Variants in CMTM8 observed in about 807,000 individuals in gnomAD.
The protein encoded by CMTM8 is CKLF-like MARVEL transmembrane domain-containing protein 8.
Under a neutral mutation model 18.6 loss-of-function variants are expected in CMTM8, and 12 were observed. That is an observed-to-expected ratio of 0.65 (90% CI 0.41 to 1.05). The LOEUF is 1.05. CMTM8 is among the 50% of genes least tolerant of loss of function. The pLI is 0.00. For synonymous variants in CMTM8, 87 were observed against 90.6 expected (o/e 0.96, Z 0.23); for missense variants, 217 against 227.2 (o/e 0.95, Z 0.29).
intron 1 of CMTM8, among the ~76,000 whole-genome samples, chr3:32,287,059 G>C (rs1236174858): frequency 1.3e-5 from 2 of 152,188 alleles, no homozygotes; most frequent in Admixed American, 6.5e-5. Flanking sequence ...GCCTATTTGT[G>C]GCTGCTTTGC....
chr3:32,292,233 C>T (rs1702791737), intron 1 of CMTM8, among the ~76,000 whole-genome samples: 2 of 152,164 alleles, frequency 1.3e-5, no homozygotes, highest in Admixed American at 6.5e-5. Flanking sequence ...GGATTGTCCC[C>T]ACCTTCATCA....
chr3:32,309,888 G>T (rs895042080), intron 1 of CMTM8, among the ~76,000 whole-genome samples: 1 of 152,184 alleles, frequency 6.6e-6, no homozygotes, highest in Non-Finnish European at 1.5e-5. Flanking sequence ...CTGAACTTTC[G>T]ATGGGAATGT....
At chr3:32,307,350 AG>A (rs1057327444) in intron 1 of CMTM8, among the ~76,000 whole-genome samples, 1 of 152,076 alleles carries the variant, frequency 6.6e-6, no homozygotes, top group African/African-American at 2.4e-5. Flanking sequence ...TTAAAAAAAA[AG>A]AGAAGGTAGA....
intron 1 of CMTM8, among the ~76,000 whole-genome samples, chr3:32,334,479 G>A (rs146150933): frequency 0.02 from 3,090 of 151,766 alleles, 43 homozygotes; most frequent in Non-Finnish European, 0.033. Flanking sequence ...GGTGGTGGGC[G>A]CCTGTAGTCC....
intron 1 of CMTM8, among the ~76,000 whole-genome samples, chr3:32,268,725 T>G (rs1489897407): frequency 6.6e-6 from 1 of 152,142 alleles, no homozygotes; most frequent in African/African-American, 2.4e-5. Context: ...AGTGGGAAGA[T>G]TCCATTGATT....
chr3:32,288,507 C>CTT (rs1424449879), intron 1 of CMTM8, among the ~76,000 whole-genome samples: 3 of 62,000 alleles, frequency 4.8e-5, no homozygotes, highest in Non-Finnish European at 6.7e-5. Context: ...ATACAGCTAT[C>CTT]ATTTTTTTTT....
chr3:32,262,781 T>G (rs145918157), intron 1 of CMTM8, among the ~76,000 whole-genome samples: 139 of 152,322 alleles, frequency 9.1e-4, no homozygotes, highest in Middle Eastern at 6.8e-3. Context: ...TTCTTCCCTT[T>G]TTTAATCAGC....
At chr3:32,249,028 A>ATTTT (rs1457556322) in intron 1 of CMTM8, among the ~76,000 whole-genome samples, 11 of 69,296 alleles carry the variant, frequency 1.6e-4, no homozygotes, top group African/African-American at 5.3e-4. Flanking sequence ...GTAATGTGGA[A>ATTTT]TCTTTTTTTT....
chr3:32,262,920 C>T (rs1702276147), intron 1 of CMTM8, among the ~76,000 whole-genome samples: 1 of 152,138 alleles, frequency 6.6e-6, no homozygotes, highest in African/African-American at 2.4e-5. Context: ...CTCTCTGGTA[C>T]ATACTAGGGT....
At chr3:32,323,881 G>A (rs1009692422) in intron 1 of CMTM8, among the ~76,000 whole-genome samples, 9 of 152,188 alleles carry the variant, frequency 5.9e-5, no homozygotes, top group African/African-American at 1.4e-4. Flanking sequence ...TACTTAGGAC[G>A]CCCATGCTAG....
intron 1 of CMTM8, among the ~76,000 whole-genome samples, chr3:32,336,585 C>T (rs1036874063): frequency 3.3e-5 from 5 of 152,164 alleles, no homozygotes; most frequent in South Asian, 2.1e-4. Flanking sequence ...GAGATGTGAG[C>T]GATGTAACTG....
chr3:32,297,459 C>T (rs928820568), intron 1 of CMTM8, among the ~76,000 whole-genome samples: 1 of 152,232 alleles, frequency 6.6e-6, no homozygotes, highest in Non-Finnish European at 1.5e-5. Flanking sequence ...GGATTACAGG[C>T]GTGAGCCACC....
chr3:32,353,784 ATTTTT>A (rs10648596), intron 1 of CMTM8, among the ~76,000 whole-genome samples: 1 of 134,066 alleles, frequency 7.5e-6, no homozygotes. Flanking sequence ...TTCTGTGTTA[ATTTTT>A]TTTTTTTTTT....
At chr3:32,264,283 G>A (rs1193440771) in intron 1 of CMTM8, among the ~76,000 whole-genome samples, 1 of 152,210 alleles carries the variant, frequency 6.6e-6, no homozygotes, top group African/African-American at 2.4e-5. Flanking sequence ...AGAAGAGAGT[G>A]GGGGTCAATA....
rs1559372457 is a variant in CMTM8 at position 32,295,482 on chromosome 3, AAC to A, written c.147+56365_147+56366del. On this transcript the variant is annotated intron_variant, in intron 1 of 3. Transcript: ENST00000307526. ...AAAAAAAAAAAAAAAAAAAAAACAAAACAAAACAGCGGAAAGAGAAAATCCCT... is the reference window on the plus strand; with the variant it reads ...AAAAAAAAAAAAAAAAAAAAAACAAAAAAACAGCGGAAAGAGAAAATCCCT... Among the ~76,000 whole-genome samples the A allele has an allele frequency of 5.3e-3, 627 of 117,464 alleles. 58 individuals are homozygous for A. Among genetic ancestry groups the A allele is most frequent in the Non-Finnish European group, 6.7e-3 (411 of 60,956 alleles). 77.1% of individuals were successfully genotyped at this position (117,464 alleles called of 152,430 possible). A position where few individuals can be genotyped will look rare whatever the true frequency, so the allele number is the denominator to read the frequency against.
In CMTM8 at chr3:32,364,227, G is replaced by A. The variant is rs149618515; in HGVS notation, c.322-3645G>A. ...CTCTACTAAAAATAAAAATTAGGCC[G>A]GGTGCGGTGGCTCACGCCTGTAATC... On this transcript the variant is annotated intron_variant, in intron 2 of 3. Transcript: ENST00000307526. Among the ~76,000 whole-genome samples, 185 of 152,220 alleles carry A rather than the reference G, an allele frequency of 1.2e-3. 2 individuals are homozygous for A. The East Asian group carries it at 0.019, about 15-fold the overall frequency.
In CMTM8 at chr3:32,344,585, T is replaced by C. The variant is rs549502975; in HGVS notation, c.148-12788T>C. ...CAGGGAGTCCTCAGGGACAAACTTA[T>C]TGTCTTTCTGGATGATTTTAAAAAT... On this transcript the variant is annotated intron_variant, in intron 1 of 3. Coordinates refer to ENST00000307526, the MANE Select transcript of CMTM8 (RefSeq NM_178868.5). 2.0e-5 allele frequency among the ~76,000 whole-genome samples: 3 copies of C among 152,314 alleles called. No individual in the cohort carries two copies. In the East Asian group the frequency reaches 5.8e-4, roughly 29 times the overall value.
At chr3:32,252,610 G>A (rs1368250086) in intron 1 of CMTM8, among the ~76,000 whole-genome samples, 1 of 152,104 alleles carries the variant, frequency 6.6e-6, no homozygotes, top group Non-Finnish European at 1.5e-5. Flanking sequence ...TTCAATTTCT[G>A]ATAAATGGGA....
rs771016657 is a variant in CMTM8, at chr3:32,369,960, T to C, written c.515T>C (p.Ile172Thr). 1 of 1,566,486 alleles carries C rather than the reference T, an allele frequency of 6.4e-7. No homozygotes were observed. The highest frequency in any genetic ancestry group is 1.7e-5 in the Admixed American group (1 of 58,508). The change falls in exon 4 of 4, where the codon ATA (isoleucine) becomes ACA (threonine). Residue 172 changes from isoleucine (I) to threonine (T), a missense_variant. Physicochemically the swap from Ile to Thr is moderately conservative, Grantham distance 89 (BLOSUM62 -1). Coordinates refer to ENST00000307526, the MANE Select transcript of CMTM8 (RefSeq NM_178868.5). The stretch of plus-strand genomic sequence containing the variant: ...TTTATAGCATGGAGATCCAGGACCA[T>C]ACAGTGATTTACCATTTTGATAATT... ...FSFIAWRSRT[I>T]Q is the part of the protein sequence containing the mutation.
Sources: allele counts gnomAD v4.1 joint callset (sites outside exome capture counted in the v4.1 genomes callset), GRCh38; gene constraint gnomAD v4.1.1; transcripts MANE v1.5; gene names NCBI Gene and HGNC (gene_info 2026-07-23, HGNC 2026-07-21).